Variants in MYO18A observed in about 807,000 individuals in gnomAD.
The protein encoded by MYO18A is unconventional myosin-XVIIIa.
MYO18A carries 78 observed loss-of-function variants against 235.8 expected under a neutral mutation model. The observed-to-expected ratio is 0.33, with a 90% confidence interval of 0.28 to 0.40. MYO18A has a LOEUF of 0.40. MYO18A is among the 10% of genes least tolerant of loss of function. The pLI is 1.00. For synonymous variants in MYO18A, 977 were observed against 1,077.8 expected (o/e 0.91, Z 1.83); for missense variants, 2,215 against 2,699.3 (o/e 0.82, Z 3.98).
intron 2 of MYO18A, among the ~76,000 whole-genome samples, chr17:29,123,375 G>A (rs1398654335): frequency 2.0e-5 from 3 of 152,236 alleles, no homozygotes; most frequent in Non-Finnish European, 4.4e-5. Context: ...GGCCCCAGCT[G>A]TGAGGCACAG....
At chr17:29,098,590 G>A in intron 23 of MYO18A, 145 bp from the exon 24 acceptor site, 1 of 1,081,600 alleles carries the variant, frequency 9.2e-7, no homozygotes, top group Non-Finnish European at 1.3e-6. Context: ...CAGAGCCACT[G>A]CCTCCTGGGG....
At chr17:29,097,094 C>G in intron 27 of MYO18A, 129 bp downstream of exon 27, 6 of 1,448,550 alleles carry the variant, frequency 4.1e-6, no homozygotes, top group Non-Finnish European at 5.5e-6. Context: ...CACCAAGAAG[C>G]TAACATGCCA....
Position 29,114,930 on chromosome 17 carries a change from G to C in MYO18A, c.2488C>G (p.Gln830Glu). ...ACCTCCTTGTATCTTTCCAACTCCTGCACGAAGGTGCGCTCGTGGAAGAGC... is the reference window on the plus strand; with the variant it reads ...ACCTCCTTGTATCTTTCCAACTCCTCCACGAAGGTGCGCTCGTGGAAGAGC... The part of the protein sequence containing the change: ...QRLFHERTFV[Q>E]ELERYKEENI... The change falls in exon 14 of 42, where the codon CAG becomes GAG. Residue 830 changes from glutamine to glutamate, a missense_variant. By Grantham distance (29) the Gln-to-Glu change is conservative. Coordinates refer to ENST00000527372, the MANE Select transcript of MYO18A (RefSeq NM_078471.4). 6.2e-7 allele frequency: 1 copy of C among 1,613,894 alleles called. No homozygotes were observed. Among genetic ancestry groups the C allele is most frequent in the South Asian group, 1.1e-5 (1 of 91,076 alleles).
Position 29,094,776 on chromosome 17 carries a change from G to A in MYO18A, c.4584C>T (p.Ser1528=). 1.2e-6 allele frequency: 2 copies of A among 1,614,014 alleles called. No individual in the cohort carries two copies. The highest frequency in any genetic ancestry group is 1.7e-6 in the Non-Finnish European group (2 of 1,179,894). Residue 1528 remains serine, a synonymous_variant, in exon 30 of 42, where the codon TCC becomes TCT. Transcript: ENST00000527372. ...GAGAAGCCTCATCCTTGGACTCTTG[G>A]GAAGAAATGTCCTGGAGCTCTGCCT... ...SLEAELQDIS[S]QESKDEASLA...
At chr17:29,090,975 G>T in intron 34 of MYO18A, 49 bp from the exon 35 acceptor site, 1 of 1,485,376 alleles carries the variant, frequency 6.7e-7, no homozygotes, top group Non-Finnish European at 9.3e-7. Context: ...CAGTGTGCCT[G>T]TGGGCTCCAG....
chr17:29,133,390 C>T (rs2067520055), intron 2 of MYO18A, among the ~76,000 whole-genome samples: 1 of 152,236 alleles, frequency 6.6e-6, no homozygotes, highest in African/African-American at 2.4e-5. Context: ...CCTGACTCCC[C>T]ACCCTTGGCC....
rs145655444 is a variant in MYO18A at position 29,082,251 on chromosome 17, C to T, written c.6020+65G>A. ...CAGGCCTGCCCTCATGGGATCCAGG[C>T]GCTACTTGTCCATTCCTTGTGGCAC... On this transcript the variant is annotated intron_variant, in intron 41 of 41. Coordinates refer to ENST00000527372, the MANE Select transcript of MYO18A (RefSeq NM_078471.4). The T allele has an allele frequency of 2.9e-4, 459 of 1,603,118 alleles. 3 individuals are homozygous for T. The South Asian group carries it at 4.0e-3, about 14-fold the overall frequency.
chr17:29,124,564 G>T, intron 2 of MYO18A: 2 of 1,045,886 alleles, frequency 1.9e-6, no homozygotes, highest in African/African-American at 3.3e-5. Context: ...GGAGGCCCGA[G>T]CACAGACGCC....
In MYO18A at chr17:29,092,950, G is replaced by T. The variant is rs754320950; in HGVS notation, c.4978C>A (p.Arg1660Ser). 1 of 1,613,648 alleles carries T rather than the reference G, an allele frequency of 6.2e-7. No homozygotes were observed. Among genetic ancestry groups the T allele is most frequent in the Admixed American group, 1.7e-5 (1 of 59,996 alleles). ...SEKRLRKDLK[R>S]TKALLADAQL... ...GCATCTGCCAGCAGGGCCTTGGTGC[G>T]CTTCAGGTCCTTCCGCAGCCGCTTC... Residue 1660 changes from arginine (R) to serine (S), a missense_variant, in exon 33 of 42, where the codon CGC becomes AGC. Coordinates refer to ENST00000527372, the MANE Select transcript of MYO18A (RefSeq NM_078471.4).
At chr17:29,080,815 G>C in intron 41 of MYO18A, 3 of 985,430 alleles carry the variant, frequency 3.0e-6, no homozygotes, top group Non-Finnish European at 2.4e-6. Flanking sequence ...CTCCTCCCTG[G>C]GGCCCACATG....
chr17:29,119,626 C>T (rs775363752), intron 7 of MYO18A, among the ~76,000 whole-genome samples, 191 bp from the exon 8 acceptor site: 6 of 149,060 alleles, frequency 4.0e-5, no homozygotes, highest in Non-Finnish European at 8.9e-5. Context: ...TGCAGTGGAG[C>T]GATCTTGGCT....
At position 29,166,220 on chromosome 17, in the gene MYO18A, G is replaced by T. The variant is rs760717147; in HGVS notation, c.721C>A (p.Leu241Met). Residue 241 changes from leucine (L) to methionine (M), a missense_variant, in exon 2 of 42, where the codon CTG becomes ATG. Physicochemically the swap from Leu to Met is conservative, Grantham distance 15 (BLOSUM62 2). Transcript: ENST00000527372. ...GCCTGGCCCTCGGGGCCCCGATCCA[G>T]CATGGTTGTGCGCCGCAGGGAGAAG... is the stretch of plus-strand genomic sequence containing the variant. ...FGFSLRRTTM[L>M]DRGPEGQACR... is the part of the protein sequence containing the mutation. 1.2e-6 allele frequency: 2 copies of T among 1,612,920 alleles called. No homozygotes were observed. The highest frequency in any genetic ancestry group is 1.7e-6 in the Non-Finnish European group (2 of 1,179,888).
Position 29,114,089 on chromosome 17 carries a change from G to A in MYO18A, c.2520C>T (p.Ile840=), listed in dbSNP as rs267604786. 63 of 1,596,382 alleles carry A rather than the reference G, an allele frequency of 3.9e-5. No individual in the cohort carries two copies. Among genetic ancestry groups the A allele is most frequent in the Non-Finnish European group, 5.0e-5 (59 of 1,171,830 alleles). ...GTTCCAAGTCGTCAAACGCCAGCTC[G>A]ATGTTCTCCTGGGAAAGAAGGCCGA... ...QELERYKEEN[I]ELAFDDLEPP... Residue 840 remains isoleucine (I), a synonymous_variant, in exon 15 of 42, where the codon ATC becomes ATT. Coordinates refer to ENST00000527372, the MANE Select transcript of MYO18A (RefSeq NM_078471.4).
In MYO18A at chr17:29,140,569, G is replaced by A. The variant is rs927939064; in HGVS notation, c.1000-18316C>T. 4 of 386,496 alleles carry A rather than the reference G, an allele frequency of 1.0e-5. No homozygotes were observed. Among genetic ancestry groups the A allele is most frequent in the Admixed American group, 1.0e-4 (2 of 19,260 alleles). 23.9% of individuals were successfully genotyped at this position (386,496 alleles called of 1,614,324 possible). The stretch of plus-strand genomic sequence containing the variant: ...GGGTGATACAGCAGTGTGTGTGGAA[G>A]GGAAGGAGAAGGCTCTTAGGGTAAA... On this transcript the variant is annotated intron_variant, in intron 2 of 41. Transcript: ENST00000527372. The surrounding 1 kb of genome is among the most constrained non-coding windows in gnomAD (Gnocchi z 4.2).
At chr17:29,115,289 T>C in intron 13 of MYO18A, 62 bp downstream of exon 13, 1 of 1,576,690 alleles carries the variant, frequency 6.3e-7, no homozygotes, top group South Asian at 1.1e-5. Context: ...CAACAAGGCA[T>C]GAAGGCATCT....
Position 29,103,605 on chromosome 17 carries a change from C to G in MYO18A, c.3501G>C (p.Leu1167=), listed in dbSNP as rs1224146081. 1 of 1,613,802 alleles carries G rather than the reference C, an allele frequency of 6.2e-7. No homozygotes were observed. The highest frequency in any genetic ancestry group is 8.5e-7 in the Non-Finnish European group (1 of 1,179,896). ...CTCCTGTGGGACAACTCACCCGGCT[C>G]AGGCCCATGCAGCAGCTGCTCTTCT... ...DLEKSSCCMG[L]SRVFFRAGTL... is the part of the protein sequence containing the mutation. The change falls in exon 21 of 42, where the codon CTG becomes CTC. Residue 1167 remains leucine (L), a synonymous_variant. Coordinates refer to ENST00000527372, the MANE Select transcript of MYO18A (RefSeq NM_078471.4).
intron 7 of MYO18A, 118 bp from the exon 8 acceptor site, chr17:29,119,553 ATTTTTTTTT>A: frequency 2.3e-6 from 1 of 433,312 alleles, no homozygotes; most frequent in Middle Eastern, 6.8e-4. Flanking sequence ...AAGCAGCTGC[ATTTTTTTTT>A]TTTTTTTTTT....
chr17:29,094,295 G>A lies in MYO18A; in HGVS notation c.4711-205C>T, dbSNP rs1185235406. On this transcript the variant is annotated intron_variant, in intron 30 of 41. Transcript: ENST00000527372. ...TCTGGCATAGGCCCACAGAGAGGCA[G>A]CTGGGGTGGGGACAGTCCTGCAGCT... is the stretch of plus-strand genomic sequence containing the variant. The A allele has an allele frequency of 6.6e-6, 4 of 602,422 alleles. No homozygotes were observed. The Admixed American group carries it at 1.2e-4, about 18-fold the overall frequency. The allele number at this position is 602,422 out of a possible 1,614,324, so 37.3% of individuals were successfully genotyped here. A position where few individuals can be genotyped will look rare whatever the true frequency, so the allele number is the denominator to read the frequency against.
chr17:29,128,835 G>A (rs534304745), intron 2 of MYO18A, among the ~76,000 whole-genome samples: 116 of 152,288 alleles, frequency 7.6e-4, no homozygotes, highest in Admixed American at 1.9e-3. Flanking sequence ...GTGAGATGCC[G>A]GCACAGAGCG....
Sources: gnomAD v4.1 joint callset for allele counts (sites outside exome capture counted in the v4.1 genomes callset) on GRCh38, gnomAD v4.1.1 for gene constraint, Gnocchi (gnomAD v3.1) non-coding constraint, MANE v1.5 for transcripts, NCBI Gene and HGNC (gene_info 2026-07-23, HGNC 2026-07-21) for gene names.